OXNAD1: variants seen among roughly 807,000 people sequenced by gnomAD.
OXNAD1 encodes the protein oxidoreductase NAD-binding domain-containing protein 1.
OXNAD1 carries 34 observed loss-of-function variants against 32.9 expected under a neutral mutation model. The ratio of observed to expected loss-of-function variants is 1.03; its 90% confidence interval spans 0.79 to 1.38. The LOEUF is 1.38. Ranked by LOEUF, OXNAD1 falls within the 40% of genes most tolerant of loss-of-function variation. The probability of loss-of-function intolerance (pLI) is 0.00; values close to 1 mark genes in which losing one functional copy is unlikely to be tolerated. For missense variants in OXNAD1, 407 were observed against 379.4 expected (o/e 1.07, Z -0.60); for synonymous variants, 134 against 135.2 (o/e 0.99, Z 0.06).
Position 16,302,866 on chromosome 3 carries a change from G to T in OXNAD1, c.784+118G>T. The T allele has an allele frequency of 1.3e-6, 1 of 770,784 alleles. No individual in the cohort carries two copies. The allele number at this position is 770,784 out of a possible 1,614,324, so 47.7% of individuals were successfully genotyped here. ...GCTGGCTGGGAATGTCACTATCTGG[G>T]GAATTGGGATGATTCCTCATGGAAA... On this transcript the variant is annotated intron_variant, in intron 8 of 8. Coordinates refer to ENST00000285083, the MANE Select transcript of OXNAD1 (RefSeq NM_138381.5). This position sits in a 1 kb window ranked among gnomAD's most constrained non-coding sequence, Gnocchi z 4.2.
In OXNAD1 at chr3:16,335,951, G is replaced by A. The variant is rs140348153; in HGVS notation, c.*31-1161G>A. Among the ~76,000 whole-genome samples the A allele has an allele frequency of 7.2e-5, 11 of 152,374 alleles. No individual in the cohort carries two copies. The highest frequency in any genetic ancestry group is 2.2e-4 in the African/African-American group (9 of 41,598). ...GACTGGTGGCAGCTGCTAGTGCAGA[G>A]GAGGCAGAGCATGCTGGCGCCTTCT... On this transcript the variant is annotated intron_variant, in intron 9 of 9. Coordinates refer to the OXNAD1 transcript ENST00000435829. This position sits in a 1 kb window ranked among gnomAD's most constrained non-coding sequence, Gnocchi z 4.7.
chr3:16,337,707 A>G (rs1489865071), downstream of OXNAD1, among the ~76,000 whole-genome samples: 1 of 147,886 alleles, frequency 6.8e-6, no homozygotes, highest in Non-Finnish European at 1.5e-5. This position sits in a 1 kb window ranked among gnomAD's most constrained non-coding sequence, Gnocchi z 5.0. Flanking sequence ...GCGCCACTGC[A>G]CTCCAGCCTG....
chr3:16,313,077 G>T (rs1316881063), intron 9 of OXNAD1, among the ~76,000 whole-genome samples: 3 of 148,656 alleles, frequency 2.0e-5, no homozygotes, highest in Non-Finnish European at 4.5e-5. Context: ...ACAGGGTCTT[G>T]TTCTATTGTC....
rs1180391964 is a variant in OXNAD1 at position 16,299,035 on chromosome 3, T to C, written c.433-2591T>C. Reference sequence around the variant, plus strand: ...TGTCGTCAAGGATAAGACAGGCTTCTTGAATATTATCTTTCCCTGGGGCAC... The same window carrying C: ...TGTCGTCAAGGATAAGACAGGCTTCCTGAATATTATCTTTCCCTGGGGCAC... On this transcript the variant is annotated intron_variant, in intron 6 of 8. Coordinates refer to ENST00000285083, the MANE Select transcript of OXNAD1 (RefSeq NM_138381.5). This position sits in a 1 kb window ranked among gnomAD's most constrained non-coding sequence, Gnocchi z 4.4. 6.6e-6 allele frequency among the ~76,000 whole-genome samples: 1 copy of C among 152,222 alleles called. No homozygotes were observed. The highest frequency in any genetic ancestry group is 2.4e-5 in the African/African-American group (1 of 41,454).
At chr3:16,307,836 G>C (rs1404344822), downstream of OXNAD1, among the ~76,000 whole-genome samples, 1 of 152,172 alleles carries the variant, frequency 6.6e-6, no homozygotes, top group Non-Finnish European at 1.5e-5. Context: ...GTTTAACGTA[G>C]TTGTGGTATA....
downstream of OXNAD1, among the ~76,000 whole-genome samples, chr3:16,306,980 T>C (rs1390804338): frequency 6.6e-6 from 1 of 152,238 alleles, no homozygotes; most frequent in East Asian, 1.9e-4. Flanking sequence ...AGCTATTTTT[T>C]CATTAAGGAT....
chr3:16,324,588 T>G (rs2069467013), intron 9 of OXNAD1, among the ~76,000 whole-genome samples: 1 of 146,962 alleles, frequency 6.8e-6, no homozygotes, highest in African/African-American at 2.5e-5. Context: ...GGCTCATCCT[T>G]GTAATAAATA....
chr3:16,332,394 CCTTT>C lies in OXNAD1; in HGVS notation c.*31-4714_*31-4711del, dbSNP rs578232381. 2.0e-4 allele frequency among the ~76,000 whole-genome samples: 29 copies of C among 146,214 alleles called. No homozygotes were observed. The East Asian group carries it at 5.8e-3, about 29-fold the overall frequency. On this transcript the variant is annotated intron_variant, in intron 9 of 9. Coordinates refer to the OXNAD1 transcript ENST00000435829. ...TGCCCTATTTTTAAGATTCAAAAGC[CCTTT>C]CTTATCTTTTGATTGCTTCTTTTTT...
chr3:16,351,438 G>A (rs180765968), downstream of OXNAD1, among the ~76,000 whole-genome samples: 1 of 152,290 alleles, frequency 6.6e-6, no homozygotes, highest in East Asian at 1.9e-4. This position sits in a 1 kb window ranked among gnomAD's most constrained non-coding sequence, Gnocchi z 5.4. Flanking sequence ...AATAAAATGG[G>A]GGTTAACTCA....
In OXNAD1 at chr3:16,324,494, A is replaced by G. The variant is rs115293564; in HGVS notation, c.*31-12618A>G. Among the ~76,000 whole-genome samples the G allele has an allele frequency of 7.2e-3, 1,099 of 151,952 alleles. 12 individuals carry two copies. Among genetic ancestry groups the G allele is most frequent in the African/African-American group, 0.025 (1,042 of 41,400 alleles). Reference sequence around the variant, plus strand: ...TTCTACTCTCTGCTTCTATGACTCAACTTTTTTAGATTCCACGTATGAGAG... The same window carrying G: ...TTCTACTCTCTGCTTCTATGACTCAGCTTTTTTAGATTCCACGTATGAGAG... On this transcript the variant is annotated intron_variant, in intron 9 of 9. Coordinates refer to the OXNAD1 transcript ENST00000435829.
chr3:16,302,544 G>A lies in OXNAD1; in HGVS notation c.676-96G>A. The A allele has an allele frequency of 1.3e-6, 1 of 786,840 alleles. No individual in the cohort carries two copies. The highest frequency in any genetic ancestry group is 2.2e-5 in the Admixed American group (1 of 45,886). 48.7% of individuals were successfully genotyped at this position (786,840 alleles called of 1,614,324 possible). On this transcript the variant is annotated intron_variant, in intron 7 of 8. Coordinates refer to ENST00000285083, the MANE Select transcript of OXNAD1 (RefSeq NM_138381.5). This position sits in a 1 kb window ranked among gnomAD's most constrained non-coding sequence, Gnocchi z 4.2. ...AGTAGAGAGCGAGAGCGGCAGACGT[G>A]TGCAGAATGGGAGTTGAGGTTCAGC... is the stretch of plus-strand genomic sequence containing the variant.
chr3:16,315,416 T>C (rs1301771893), intron 9 of OXNAD1, among the ~76,000 whole-genome samples: 3 of 152,238 alleles, frequency 2.0e-5, no homozygotes, highest in Non-Finnish European at 4.4e-5. Context: ...ATGCCTGGCC[T>C]ACAAATGTTT....
Position 16,312,477 on chromosome 3 carries a change from T to C in OXNAD1, c.*30+8885T>C, listed in dbSNP as rs2068042075. Among the ~76,000 whole-genome samples the C allele has an allele frequency of 1.3e-5, 2 of 152,190 alleles. No homozygotes were observed. The highest frequency in any genetic ancestry group is 1.3e-4 in the Admixed American group (2 of 15,288). ...TCCTGGCCACACACACCAGTCATCC[T>C]CACCCTTCCCGTCTTGCCAGTCCTT... On this transcript the variant is annotated intron_variant, in intron 9 of 9. Coordinates refer to the OXNAD1 transcript ENST00000435829. The surrounding 1 kb of genome is among the most constrained non-coding windows in gnomAD (Gnocchi z 4.7).
chr3:16,309,821 A>G (rs957076402), downstream of OXNAD1, among the ~76,000 whole-genome samples: 7 of 152,320 alleles, frequency 4.6e-5, no homozygotes, highest in Middle Eastern at 3.4e-3. Flanking sequence ...GGACTATGCA[A>G]TTTAAAATTG....
At position 16,301,897 on chromosome 3, in the gene OXNAD1, A is replaced by G. The variant is rs778159015; in HGVS notation, c.675+29A>G. The G allele has an allele frequency of 1.1e-5, 17 of 1,606,236 alleles. 2 individuals carry two copies. The highest frequency in any genetic ancestry group is 3.4e-5 in the Admixed American group (2 of 59,406). On this transcript the variant is annotated intron_variant, in intron 7 of 8. Coordinates refer to ENST00000285083, the MANE Select transcript of OXNAD1 (RefSeq NM_138381.5). This position sits in a 1 kb window ranked among gnomAD's most constrained non-coding sequence, Gnocchi z 4.1. ...AGGGAGGTATAGCTTGCTGTAAGCA[A>G]ACTTGTGTAGTGGTATTAATTGTTC...
chr3:16,303,316 T>C lies in OXNAD1; in HGVS notation c.785-92T>C. On this transcript the variant is annotated intron_variant, in intron 8 of 8. Transcript: ENST00000285083. The surrounding 1 kb of genome is among the most constrained non-coding windows in gnomAD (Gnocchi z 4.8). ...AGACTAGACTCACTGAACTTGGAAA[T>C]AAACACTGTATCTGAATTGTGGTTA... The C allele has an allele frequency of 7.0e-7, 1 of 1,433,656 alleles. No individual in the cohort carries two copies. Among genetic ancestry groups the C allele is most frequent in the Non-Finnish European group, 9.6e-7 (1 of 1,042,526 alleles). 88.8% of individuals were successfully genotyped at this position (1,433,656 alleles called of 1,614,324 possible). A position where few individuals can be genotyped will look rare whatever the true frequency, so the allele number is the denominator to read the frequency against.
At position 16,322,132 on chromosome 3, in the gene OXNAD1, G is replaced by T. The variant is rs1250204841; in HGVS notation, c.*31-14980G>T. ...CTGTGGCTGAGCTGAAACTGACAGCGCTCTGCAGCCGATCCATCTTCCAGC... is the reference window on the plus strand; with the variant it reads ...CTGTGGCTGAGCTGAAACTGACAGCTCTCTGCAGCCGATCCATCTTCCAGC... On this transcript the variant is annotated intron_variant, in intron 9 of 9. Transcript: ENST00000435829. The surrounding 1 kb of genome is among the most constrained non-coding windows in gnomAD (Gnocchi z 6.2). 6.6e-6 allele frequency among the ~76,000 whole-genome samples: 1 copy of T among 152,208 alleles called. No homozygotes were observed.
chr3:16,313,223 T>TTTTTTTTTTTTTTTTTTTTG (rs1186728981), intron 9 of OXNAD1, among the ~76,000 whole-genome samples: 1 of 150,158 alleles, frequency 6.7e-6, no homozygotes, highest in Admixed American at 6.6e-5. Flanking sequence ...TTTTTTTTTT[T>TTTTTTTTTTTTTTTTTTTTG]GCAGAGGCAA....
rs990009923 is a variant in OXNAD1, at chr3:16,334,424, G to T, written c.*31-2688G>T. ...TCTCACTTCTGGGAATTTAACCTAC[G>T]TATTAAAAAATGAGAAATGCACAGA... On this transcript the variant is annotated intron_variant, in intron 9 of 9. Coordinates refer to the OXNAD1 transcript ENST00000435829. The surrounding 1 kb of genome is among the most constrained non-coding windows in gnomAD (Gnocchi z 4.3). Among the ~76,000 whole-genome samples, 27 of 152,232 alleles carry T rather than the reference G, an allele frequency of 1.8e-4. No homozygotes were observed. Among genetic ancestry groups the T allele is most frequent in the African/African-American group, 6.0e-4 (25 of 41,538 alleles).
Sources: gnomAD v4.1 joint callset for allele counts (sites outside exome capture counted in the v4.1 genomes callset) on GRCh38, gnomAD v4.1.1 for gene constraint, Gnocchi (gnomAD v3.1) non-coding constraint, MANE v1.5 for transcripts, NCBI Gene and HGNC (gene_info 2026-07-23, HGNC 2026-07-21) for gene names.